Variants in OCLN observed in about 807,000 individuals in gnomAD.
OCLN encodes the protein occludin, also known as phosphatase 1, regulatory subunit 115.
OCLN carries 21 observed loss-of-function variants against 47.9 expected under a neutral mutation model. The observed-to-expected ratio is 0.44, with a 90% CI of 0.31 to 0.63. The LOEUF is 0.63. Among genes scored for constraint, OCLN ranks in the 30% least tolerant of loss-of-function variants. The pLI is 0.08. For synonymous variants in OCLN, 117 were observed against 198.4 expected, an observed-to-expected ratio of 0.59 and a Z score of 3.45; for missense variants, 360 against 571.0, an observed-to-expected ratio of 0.63 and a Z score of 3.77.
chr5:69,512,625 G>A (rs1220770542), intron 3 of OCLN, among the ~76,000 whole-genome samples: 1 of 152,170 alleles, frequency 6.6e-6, no homozygotes, highest in Non-Finnish European at 1.5e-5. Flanking sequence ...GAATCTGTAG[G>A]TCAATTTTGG....
Position 69,493,347 on chromosome 5 carries a change from CGGCGGCCCG to C in OCLN, c.-69+454_-69+462del, listed in dbSNP as rs1768196722. 6.6e-6 allele frequency among the ~76,000 whole-genome samples: 1 copy of C among 151,992 alleles called. No homozygotes were observed. Among genetic ancestry groups the C allele is most frequent in the Non-Finnish European group, 1.5e-5 (1 of 67,998 alleles). On this transcript the variant is annotated intron_variant, in intron 1 of 8. Transcript: ENST00000396442. The surrounding 1 kb of genome is among the most constrained non-coding windows in gnomAD (Gnocchi z 5.3). ...CTGAGGCTGCAGCGAGGCGGCTGTT[CGGCGGCCCG>C]GGCGGCTTAGATCCCGGGGGGAATT... is the stretch of plus-strand genomic sequence containing the variant.
At chr5:69,514,687 G>A (rs998667353) in intron 4 of OCLN, among the ~76,000 whole-genome samples, 78 of 152,272 alleles carry the variant, frequency 5.1e-4, no homozygotes, top group African/African-American at 1.8e-3. Context: ...TGCAGTGTTT[G>A]TGTCCCTGGG....
intron 4 of OCLN, among the ~76,000 whole-genome samples, chr5:69,532,135 CT>C (rs951959292): frequency 1.5e-4 from 22 of 148,950 alleles, no homozygotes; most frequent in African/African-American, 3.2e-4. Flanking sequence ...TAGTTTTCTC[CT>C]TTTTTTTTTC....
At chr5:69,527,213 G>C (rs1267632903) in intron 4 of OCLN, among the ~76,000 whole-genome samples, 1 of 151,944 alleles carries the variant, frequency 6.6e-6, no homozygotes, top group African/African-American at 2.4e-5. Flanking sequence ...GGAGACGGTG[G>C]TTGCAGTGAG....
At chr5:69,512,040 A>AC (rs1768804913) in intron 3 of OCLN, among the ~76,000 whole-genome samples, 1 of 151,944 alleles carries the variant, frequency 6.6e-6, no homozygotes, top group African/African-American at 2.4e-5. Context: ...AAAAAAAAAA[A>AC]AAAAATTTTT....
intron 1 of OCLN, among the ~76,000 whole-genome samples, chr5:69,501,308 TTGTA>T (rs1768452700): frequency 6.6e-6 from 1 of 152,222 alleles, no homozygotes; most frequent in Non-Finnish European, 1.5e-5. Context: ...AATTGCTCAT[TTGTA>T]TGTGTGTTTC....
intron 1 of OCLN, among the ~76,000 whole-genome samples, chr5:69,495,760 A>G (rs1768270359): frequency 2.7e-5 from 4 of 148,852 alleles, no homozygotes; most frequent in Admixed American, 2.0e-4. Flanking sequence ...GTTTGCTCTG[A>G]AAAAAAAAAC....
rs758359992 is a variant in OCLN at position 69,509,747 on chromosome 5, T to A, written c.657T>A (p.Phe219Leu). ...GSQIYALCNQ[F>L]YTPAATGLYV... is the part of the protein sequence containing the mutation. Reference sequence around the variant, plus strand: ...AAATATATGCCCTCTGCAACCAATTTTATACACCTGCAGCTACTGGACTCT... The same window carrying A: ...AAATATATGCCCTCTGCAACCAATTATATACACCTGCAGCTACTGGACTCT... The change falls in exon 3 of 9, where the codon TTT (phenylalanine) becomes TTA (leucine). Residue 219 changes from phenylalanine to leucine, a missense_variant. Coordinates refer to ENST00000396442, the MANE Select transcript of OCLN (RefSeq NM_001205254.2). The A allele has an allele frequency of 6.2e-7, 1 of 1,614,132 alleles. No individual in the cohort carries two copies. The highest frequency in any genetic ancestry group is 8.5e-7 in the Non-Finnish European group (1 of 1,180,008).
intron 1 of OCLN, among the ~76,000 whole-genome samples, chr5:69,502,760 A>G (rs1297840252): frequency 1.3e-5 from 2 of 152,284 alleles, no homozygotes; most frequent in East Asian, 3.9e-4. Flanking sequence ...TTGTGTGTTT[A>G]CCACATCTTG....
intron 1 of OCLN, among the ~76,000 whole-genome samples, chr5:69,498,454 A>G (rs988701469): frequency 5.9e-5 from 9 of 151,964 alleles, no homozygotes; most frequent in African/African-American, 2.2e-4. Flanking sequence ...AGATCACGCC[A>G]TTGCATTCCA....
chr5:69,511,374 G>A lies in OCLN; in HGVS notation c.729+1555G>A, dbSNP rs527550717. 8.6e-5 allele frequency among the ~76,000 whole-genome samples: 13 copies of A among 151,782 alleles called. No individual in the cohort carries two copies. In the East Asian group the frequency reaches 1.4e-3, roughly 16 times the overall value. On this transcript the variant is annotated intron_variant, in intron 3 of 8. Coordinates refer to ENST00000396442, the MANE Select transcript of OCLN (RefSeq NM_001205254.2). ...TGGGATTACAGGTGTGAGCCACTGT[G>A]CCCGGCCTAGACTTGCCCATGTTTT...
At chr5:69,535,617 T>C (rs1302363393) in intron 5 of OCLN, among the ~76,000 whole-genome samples, 1 of 113,122 alleles carries the variant, frequency 8.8e-6, no homozygotes, top group Non-Finnish European at 1.8e-5. Flanking sequence ...AGTGTGTCTT[T>C]AGGCAATTTC....
chr5:69,507,071 C>G (rs1270904547), intron 2 of OCLN, among the ~76,000 whole-genome samples: 1 of 152,240 alleles, frequency 6.6e-6, no homozygotes, highest in Non-Finnish European at 1.5e-5. Context: ...GACGTATGAT[C>G]ATTACCTGCT....
intron 1 of OCLN, among the ~76,000 whole-genome samples, chr5:69,494,204 TG>T (rs1768228181): frequency 2.0e-5 from 3 of 152,252 alleles, no homozygotes; most frequent in East Asian, 1.9e-4. Context: ...TGTGTGTGTG[TG>T]TTTTTCCGAG....
chr5:69,521,088 C>T (rs1580570506), intron 4 of OCLN, among the ~76,000 whole-genome samples: 3 of 152,196 alleles, frequency 2.0e-5, no homozygotes, highest in African/African-American at 4.8e-5. Context: ...CCACCCGCGT[C>T]GGCCTCCCAA....
chr5:69,549,926 AC>A (rs1393344525), intron 7 of OCLN, among the ~76,000 whole-genome samples: 25 of 150,898 alleles, frequency 1.7e-4, no homozygotes, highest in African/African-American at 5.8e-4. Flanking sequence ...TAAAAAAAAA[AC>A]AAACAAAAAA....
intron 4 of OCLN, among the ~76,000 whole-genome samples, chr5:69,532,513 TC>T (rs1438990282): frequency 3.3e-5 from 5 of 152,236 alleles, no homozygotes; most frequent in African/African-American, 1.2e-4. Context: ...TTATTTCTAT[TC>T]CTTTGCCTTA....
chr5:69,498,712 C>G (rs1443000456), intron 1 of OCLN, among the ~76,000 whole-genome samples: 1 of 152,030 alleles, frequency 6.6e-6, no homozygotes, highest in Non-Finnish European at 1.5e-5. Context: ...CAGAATCTCA[C>G]TCCATCATCT....
At chr5:69,498,787 C>G (rs1351013486) in intron 1 of OCLN, among the ~76,000 whole-genome samples, 1 of 152,046 alleles carries the variant, frequency 6.6e-6, no homozygotes, top group Non-Finnish European at 1.5e-5. Context: ...TCAAGCGATT[C>G]TCCTGCCTCA....
Sources: gnomAD v4.1 joint callset for allele counts (sites outside exome capture counted in the v4.1 genomes callset) on GRCh38, gnomAD v4.1.1 for gene constraint, Gnocchi (gnomAD v3.1) non-coding constraint, MANE v1.5 for transcripts, NCBI Gene and HGNC (gene_info 2026-07-23, HGNC 2026-07-21) for gene names.